Variants in CSMD1 observed in about 807,000 individuals in gnomAD.
The protein encoded by CSMD1 is CUB and sushi domain-containing protein 1.
In CSMD1, 213 loss-of-function variants were observed where a neutral mutation model predicts 417.5. That is an observed-to-expected ratio of 0.51 (90% CI 0.46 to 0.57). The LOEUF (loss-of-function observed/expected upper bound fraction) is 0.57. Ranked by LOEUF, CSMD1 falls within the 20% of genes least tolerant of loss-of-function variation. CSMD1 has a pLI of 0.00. For synonymous variants in CSMD1, 2,862 were observed against 1,736.8 expected, an observed-to-expected ratio of 1.65 and a Z score of -16.11; for missense variants, 6,923 against 4,529.7, an observed-to-expected ratio of 1.53 and a Z score of -15.17.
chr8:3,813,580 AATTTTAAGAT>A, intron 5 of CSMD1, among the ~76,000 whole-genome samples: 1 of 152,266 alleles, frequency 6.6e-6, no homozygotes, highest in Non-Finnish European at 1.5e-5. Flanking sequence ...ATTTAACAAG[AATTTTAAGAT>A]ATTTTAAAAA....
At chr8:3,722,759 T>G (rs1185032318) in intron 6 of CSMD1, among the ~76,000 whole-genome samples, 1 of 152,226 alleles carries the variant, frequency 6.6e-6, no homozygotes, top group Non-Finnish European at 1.5e-5. Flanking sequence ...TTAGCATTAA[T>G]GCTAGTCGTT....
chr8:4,291,258 G>C (rs1797344067), intron 3 of CSMD1, among the ~76,000 whole-genome samples: 6 of 151,848 alleles, frequency 4.0e-5, no homozygotes, highest in Admixed American at 1.3e-4. Context: ...AAGTAATAAA[G>C]AAAATATTCA....
intron 1 of CSMD1, among the ~76,000 whole-genome samples, chr8:4,757,407 A>G (rs1158929595): frequency 1.3e-5 from 2 of 152,296 alleles, no homozygotes; most frequent in East Asian, 3.9e-4. Context: ...TCATCTATAC[A>G]ATAGTCACCA....
intron 6 of CSMD1, among the ~76,000 whole-genome samples, chr8:3,747,497 GTT>G (rs869172129): frequency 4.1e-4 from 28 of 68,338 alleles, no homozygotes; most frequent in Admixed American, 8.2e-4. Context: ...TCATACGTTT[GTT>G]TTTTTTCCTT....
intron 3 of CSMD1, among the ~76,000 whole-genome samples, chr8:4,093,513 G>T (rs997462450): frequency 6.6e-6 from 1 of 152,058 alleles, no homozygotes; most frequent in African/African-American, 2.4e-5. Flanking sequence ...TGATTCAAAG[G>T]AATATAGTGA....
At chr8:3,665,699 C>A (rs921153967) in intron 7 of CSMD1, among the ~76,000 whole-genome samples, 2 of 152,042 alleles carry the variant, frequency 1.3e-5, no homozygotes, top group Non-Finnish European at 2.9e-5. Context: ...AAATGTGAAA[C>A]CATCGCTACA....
chr8:4,352,895 A>T (rs1396878339), intron 3 of CSMD1, among the ~76,000 whole-genome samples: 3 of 152,196 alleles, frequency 2.0e-5, no homozygotes, highest in Non-Finnish European at 1.5e-5. Context: ...TACCTCAGAA[A>T]ATGACACTAG....
At chr8:3,654,770 C>T (rs1240814575) in intron 7 of CSMD1, among the ~76,000 whole-genome samples, 3 of 152,140 alleles carry the variant, frequency 2.0e-5, no homozygotes, top group South Asian at 4.1e-4. Flanking sequence ...CGGGGTAGGA[C>T]TGGGTGCTCC....
At chr8:2,967,394 G>A (rs1194359116) in intron 57 of CSMD1, among the ~76,000 whole-genome samples, 1 of 152,182 alleles carries the variant, frequency 6.6e-6, no homozygotes, top group East Asian at 1.9e-4. Flanking sequence ...GCCATGTACA[G>A]GCAATAAGGC....
chr8:4,158,881 A>T (rs991184456), intron 3 of CSMD1, among the ~76,000 whole-genome samples: 1 of 152,182 alleles, frequency 6.6e-6, no homozygotes, highest in Non-Finnish European at 1.5e-5. Flanking sequence ...TCAGTTTACT[A>T]CTGTTTCCAG....
At chr8:3,129,434 G>T (rs945514762) in intron 41 of CSMD1, among the ~76,000 whole-genome samples, 1 of 152,102 alleles carries the variant, frequency 6.6e-6, no homozygotes, top group East Asian at 1.9e-4. Context: ...ACATAGACAT[G>T]GCCTTAATAA....
At chr8:4,686,658 T>G (rs928122818) in intron 1 of CSMD1, among the ~76,000 whole-genome samples, 5 of 152,230 alleles carry the variant, frequency 3.3e-5, no homozygotes, top group African/African-American at 1.2e-4. Context: ...CAAGTTGACC[T>G]GTTGCTCTGG....
chr8:3,983,130 T>G (rs1430246312), intron 5 of CSMD1, among the ~76,000 whole-genome samples: 1 of 112,590 alleles, frequency 8.9e-6, no homozygotes, highest in Non-Finnish European at 1.9e-5. Flanking sequence ...CCCACATCTT[T>G]CTTTCTTTTT....
chr8:4,573,364 T>G (rs1354044854), intron 2 of CSMD1, among the ~76,000 whole-genome samples: 1 of 152,166 alleles, frequency 6.6e-6, no homozygotes, highest in South Asian at 2.1e-4. Context: ...GTTTTCCTTC[T>G]AACAGTCAGG....
intron 3 of CSMD1, among the ~76,000 whole-genome samples, chr8:4,122,067 T>C (rs1439217722): frequency 6.6e-6 from 1 of 152,038 alleles, no homozygotes; most frequent in African/African-American, 2.4e-5. Context: ...AAAATAAATT[T>C]ATAAAATATA....
At chr8:3,542,812 T>C (rs1306485228) in intron 10 of CSMD1, among the ~76,000 whole-genome samples, 1 of 152,202 alleles carries the variant, frequency 6.6e-6, no homozygotes, top group African/African-American at 2.4e-5. Flanking sequence ...ATGCTTTAGC[T>C]AAGCAAGATC....
intron 5 of CSMD1, among the ~76,000 whole-genome samples, chr8:3,922,110 CT>C (rs1809318481): frequency 6.7e-6 from 1 of 149,844 alleles, no homozygotes; most frequent in Non-Finnish European, 1.5e-5. Context: ...GAATTGACCC[CT>C]TTATCATTAT....
At chr8:4,348,792 C>T (rs1228612775) in intron 3 of CSMD1, among the ~76,000 whole-genome samples, 1 of 152,034 alleles carries the variant, frequency 6.6e-6, no homozygotes, top group Admixed American at 6.6e-5. Context: ...TCTTTCAATC[C>T]CTTAACCCAT....
At chr8:3,201,372 G>A (rs1243831829) in intron 32 of CSMD1, among the ~76,000 whole-genome samples, 1 of 152,026 alleles carries the variant, frequency 6.6e-6, no homozygotes, top group Non-Finnish European at 1.5e-5. Flanking sequence ...ACCTTTTACT[G>A]AGATAAATAT....
Sources: gnomAD v4.1 joint callset for allele counts (sites outside exome capture counted in the v4.1 genomes callset) on GRCh38, gnomAD v4.1.1 for gene constraint, MANE v1.5 for transcripts, NCBI Gene and HGNC (gene_info 2026-07-23, HGNC 2026-07-21) for gene names.